Variants in AP3B1 observed in about 807,000 individuals in gnomAD.
AP3B1 encodes adaptor related protein complex 3 subunit beta 1.
In AP3B1, 61 loss-of-function variants were observed where a neutral mutation model predicts 132.5. That is an observed-to-expected ratio of 0.46 (90% CI 0.37 to 0.57). The LOEUF is 0.57. AP3B1 is among the 20% of genes least tolerant of loss of function. The pLI is 0.00. For missense variants in AP3B1, 1,120 were observed against 1,289.4 expected (o/e 0.87, Z 2.01); for synonymous variants, 388 against 438.3 (o/e 0.89, Z 1.43).
chr5:78,222,673 A>G (rs1165741472), intron 6 of AP3B1, among the ~76,000 whole-genome samples: 6 of 152,214 alleles, frequency 3.9e-5, no homozygotes, highest in Admixed American at 1.3e-4. Flanking sequence ...AATTAACTCA[A>G]ACAATAGAAG....
At chr5:78,108,387 C>G (rs1371189804) in intron 20 of AP3B1, among the ~76,000 whole-genome samples, 1 of 152,058 alleles carries the variant, frequency 6.6e-6, no homozygotes, top group Admixed American at 6.5e-5. Flanking sequence ...TGGTATACAC[C>G]AAATCATTCA....
intron 1 of AP3B1, among the ~76,000 whole-genome samples, chr5:78,284,273 T>C (rs1749179421): frequency 6.6e-6 from 1 of 152,232 alleles, no homozygotes. Flanking sequence ...TATGCTATTC[T>C]GTCTGCCTGG....
chr5:78,238,095 G>A (rs1001994763), intron 3 of AP3B1, among the ~76,000 whole-genome samples: 1 of 152,194 alleles, frequency 6.6e-6, no homozygotes, highest in Non-Finnish European at 1.5e-5. Context: ...AGCTTCATCT[G>A]TATTTACAGC....
rs188242746 is a variant in AP3B1, at chr5:78,053,325, T to G, written c.2578-14051A>C. 3.6e-3 allele frequency among the ~76,000 whole-genome samples: 553 copies of G among 152,298 alleles called. 3 individuals are homozygous for G. Among genetic ancestry groups the G allele is most frequent in the Non-Finnish European group, 6.5e-3 (444 of 68,018 alleles). ...CTGAAAATACTTTTAAATCTTTTTT[T>G]TCAAATTACAACAGCATTATATATT... On this transcript the variant is annotated intron_variant, in intron 22 of 26. Transcript: ENST00000255194.
rs185609752 is a variant in AP3B1 at position 78,137,944 on chromosome 5, G to A, written c.1650+3199C>T. Among the ~76,000 whole-genome samples the A allele has an allele frequency of 5.9e-5, 9 of 151,872 alleles. No homozygotes were observed. In the East Asian group the frequency reaches 7.8e-4, roughly 13 times the overall value. On this transcript the variant is annotated intron_variant, in intron 15 of 26. Transcript: ENST00000255194. ...TGCTCACTGAGGTATTTAGGCCACC[G>A]GGAATTCAGATCTACAAATAAATAT...
intron 1 of AP3B1, among the ~76,000 whole-genome samples, chr5:78,286,101 ACTCTGCCCCTTATCT>A (rs1749269714): frequency 6.6e-6 from 1 of 152,122 alleles, no homozygotes; most frequent in South Asian, 2.1e-4. Flanking sequence ...TCCGCCTTCC[ACTCTGCCCCTTATCT>A]CTCTGCCCTC....
chr5:78,054,776 T>C (rs976630412), intron 22 of AP3B1, among the ~76,000 whole-genome samples: 1 of 151,964 alleles, frequency 6.6e-6, no homozygotes, highest in Non-Finnish European at 1.5e-5. Flanking sequence ...CTAGAAGAGG[T>C]CCTGGCGATA....
At chr5:78,014,044 TC>T (rs1163286263) in intron 26 of AP3B1, among the ~76,000 whole-genome samples, 1 of 152,054 alleles carries the variant, frequency 6.6e-6, no homozygotes, top group Non-Finnish European at 1.5e-5. Context: ...GTGCCTGTAG[TC>T]CCAGCCACTC....
intron 1 of AP3B1, among the ~76,000 whole-genome samples, chr5:78,293,931 G>A (rs1749640983): frequency 1.3e-5 from 2 of 152,000 alleles, no homozygotes; most frequent in South Asian, 4.2e-4. Flanking sequence ...CATAATCCAA[G>A]AACATTAATA....
intron 13 of AP3B1, among the ~76,000 whole-genome samples, chr5:78,160,037 A>G (rs927510048): frequency 2.6e-5 from 4 of 152,234 alleles, no homozygotes; most frequent in Non-Finnish European, 5.9e-5. Context: ...CATTCTACAT[A>G]GGTGGTATAG....
chr5:78,028,108 G>C (rs1747413209), intron 24 of AP3B1, among the ~76,000 whole-genome samples: 1 of 151,992 alleles, frequency 6.6e-6, no homozygotes, highest in Admixed American at 6.6e-5. Flanking sequence ...CCTGGCGACA[G>C]AGTAAGACTC....
chr5:78,173,785 C>A (rs1744026408), intron 11 of AP3B1, among the ~76,000 whole-genome samples: 2 of 152,076 alleles, frequency 1.3e-5, no homozygotes, highest in Admixed American at 1.3e-4. Context: ...TGTTTTCCAA[C>A]TTGGTTCCAT....
chr5:78,277,512 C>T (rs1258196523), intron 1 of AP3B1, among the ~76,000 whole-genome samples: 1 of 152,056 alleles, frequency 6.6e-6, no homozygotes, highest in Non-Finnish European at 1.5e-5. Flanking sequence ...ATAAGGAATG[C>T]AATAAAGTAA....
chr5:78,230,527 A>C (rs971229751), intron 3 of AP3B1, among the ~76,000 whole-genome samples: 3 of 152,298 alleles, frequency 2.0e-5, no homozygotes, highest in Non-Finnish European at 4.4e-5. Flanking sequence ...AAAGCTCTTA[A>C]CCTAGTACTC....
chr5:78,164,437 C>T (rs1257984604), intron 12 of AP3B1, among the ~76,000 whole-genome samples: 4 of 151,952 alleles, frequency 2.6e-5, no homozygotes, highest in Non-Finnish European at 5.9e-5. Flanking sequence ...GTCTCCTTTC[C>T]TACAATCCCA....
At chr5:78,245,249 G>A (rs766575908) in intron 2 of AP3B1, among the ~76,000 whole-genome samples, 4 of 152,166 alleles carry the variant, frequency 2.6e-5, no homozygotes, top group South Asian at 4.1e-4. Flanking sequence ...GAGGCAATGC[G>A]TAATAGGCGT....
At chr5:78,001,894 T>C (rs1485402017), downstream of AP3B1, 1 of 152,128 alleles carries the variant, frequency 6.6e-6, no homozygotes, top group African/African-American at 2.4e-5. Flanking sequence ...AACAGTAACT[T>C]AAGGTAGCAA....
At chr5:78,266,089 T>C (rs1748310194) in intron 2 of AP3B1, among the ~76,000 whole-genome samples, 1 of 146,530 alleles carries the variant, frequency 6.8e-6, no homozygotes, top group Non-Finnish European at 1.5e-5. Flanking sequence ...TGGATCATGA[T>C]ACATGTTTGT....
intron 10 of AP3B1, 31 bp from the exon 11 acceptor site, chr5:78,175,728 T>C (rs1166317590): frequency 1.2e-6 from 2 of 1,609,370 alleles, no homozygotes; most frequent in Non-Finnish European, 1.7e-6. Context: ...CAAAAATACA[T>C]TATGGTACTA....
Sources: gnomAD v4.1 joint callset for allele counts (sites outside exome capture counted in the v4.1 genomes callset) on GRCh38, gnomAD v4.1.1 for gene constraint, MANE v1.5 for transcripts, NCBI Gene and HGNC (gene_info 2026-07-23, HGNC 2026-07-21) for gene names.